The following PTPRD variants were observed in gnomAD, a reference collection of about 807,000 sequenced individuals.
PTPRD encodes protein tyrosine phosphatase receptor type D.
PTPRD carries 34 observed loss-of-function variants against 214.5 expected under a neutral mutation model. The observed-to-expected ratio is 0.16, with a 90% CI of 0.12 to 0.21. The LOEUF is 0.21. Among genes scored for constraint, PTPRD ranks in the 10% least tolerant of loss-of-function variants. PTPRD has a pLI of 1.00. For synonymous variants in PTPRD, 1,128 were observed against 845.7 expected, an observed-to-expected ratio of 1.33 and a Z score of -5.79; for missense variants, 2,545 against 2,398.7, an observed-to-expected ratio of 1.06 and a Z score of -1.27.
At chr9:8,604,230 G>C (rs1349622509) in intron 14 of PTPRD, among the ~76,000 whole-genome samples, 1 of 152,166 alleles carries the variant, frequency 6.6e-6, no homozygotes, top group African/African-American at 2.4e-5. Flanking sequence ...AATGCTTTAA[G>C]GTATAGTCGA....
intron 6 of PTPRD, among the ~76,000 whole-genome samples, chr9:9,756,185 A>C (rs560267409): frequency 1.3e-5 from 2 of 152,224 alleles, no homozygotes; most frequent in East Asian, 3.9e-4. Flanking sequence ...CGAACGACAG[A>C]GATGAACATA....
At chr9:9,222,786 A>AT (rs754733675) in intron 9 of PTPRD, among the ~76,000 whole-genome samples, 3 of 152,050 alleles carry the variant, frequency 2.0e-5, no homozygotes, top group Non-Finnish European at 4.4e-5. Flanking sequence ...AAAGTGACAT[A>AT]TTCCCCATGT....
intron 4 of PTPRD, among the ~76,000 whole-genome samples, chr9:10,019,074 T>C (rs2096788338): frequency 6.6e-6 from 1 of 151,984 alleles, no homozygotes; most frequent in African/African-American, 2.4e-5. Flanking sequence ...CTCAAATAAA[T>C]TTACAAGAAA....
intron 30 of PTPRD, among the ~76,000 whole-genome samples, chr9:8,483,540 C>A (rs552034156): frequency 6.6e-6 from 1 of 152,152 alleles, no homozygotes; most frequent in African/African-American, 2.4e-5. Context: ...ATCACAAGGT[C>A]AGGAGATTGA....
intron 11 of PTPRD, among the ~76,000 whole-genome samples, chr9:8,942,215 G>A (rs1037011614): frequency 6.6e-6 from 1 of 151,138 alleles, no homozygotes; most frequent in Non-Finnish European, 1.5e-5. Flanking sequence ...TCTTTTTTTT[G>A]CCCCCCTGTC....
chr9:10,559,420 A>G (rs2063348598), intron 2 of PTPRD, among the ~76,000 whole-genome samples: 1 of 152,154 alleles, frequency 6.6e-6, no homozygotes. Context: ...CAATGGCCAC[A>G]CAGTTCTATT....
chr9:10,202,357 T>A (rs917028313), intron 3 of PTPRD, among the ~76,000 whole-genome samples: 5 of 151,964 alleles, frequency 3.3e-5, no homozygotes, highest in Admixed American at 6.6e-5. Context: ...CCTGTCATGT[T>A]ATTGAACAGA....
intron 11 of PTPRD, among the ~76,000 whole-genome samples, chr9:8,870,123 AG>A (rs2098270036): frequency 7.4e-6 from 1 of 134,836 alleles, no homozygotes; most frequent in Non-Finnish European, 1.6e-5. Context: ...TCTTTCCATC[AG>A]TTAAAAAAAA....
In PTPRD at chr9:8,500,895, A is replaced by G; in HGVS notation, c.1987T>C (p.Leu663=). The G allele has an allele frequency of 6.2e-7, 1 of 1,614,138 alleles. No individual in the cohort carries two copies. The highest frequency in any genetic ancestry group is 8.5e-7 in the Non-Finnish European group (1 of 1,180,004). Residue 663 remains leucine, a synonymous_variant, in exon 24 of 46, where the codon TTG becomes CTG. Coordinates refer to ENST00000381196, the MANE Select transcript of PTPRD (RefSeq NM_002839.4). ...DGEDDKPHEI[L]GIPSDTTKYL... is the part of the protein sequence containing the mutation. ...TTGGTAGTGTCCGAAGGAATTCCCAAAATCTCGTGAGGCTTGTCATCTTCC... is the reference window on the plus strand; with the variant it reads ...TTGGTAGTGTCCGAAGGAATTCCCAGAATCTCGTGAGGCTTGTCATCTTCC...
chr9:8,517,934 T>C lies in PTPRD; in HGVS notation c.1457A>G (p.Lys486Arg), dbSNP rs2097815493. 1.2e-6 allele frequency: 2 copies of C among 1,614,190 alleles called. No individual in the cohort carries two copies. The highest frequency in any genetic ancestry group is 2.7e-5 in the African/African-American group (2 of 75,060). The change falls in exon 21 of 46, where the codon AAA (lysine) becomes AGA (arginine). Residue 486 changes from lysine (K) to arginine (R), a missense_variant. By Grantham distance (26) the Lys-to-Arg change is conservative (BLOSUM62 2). Coordinates refer to ENST00000381196, the MANE Select transcript of PTPRD (RefSeq NM_002839.4). Reference protein sequence around the residue: ...ITTIGNLVPQKTYSVKVLAFT... With the variant: ...ITTIGNLVPQRTYSVKVLAFT... Reference sequence around the variant, plus strand: ...AGCCAGGACTTTGACAGAATATGTTTTCTGGGGCACTAAGTTGCCAATAGT... The same window carrying C: ...AGCCAGGACTTTGACAGAATATGTTCTCTGGGGCACTAAGTTGCCAATAGT...
intron 9 of PTPRD, among the ~76,000 whole-genome samples, chr9:9,211,079 G>C (rs2099948237): frequency 6.7e-6 from 1 of 148,764 alleles, no homozygotes; most frequent in African/African-American, 2.5e-5. Context: ...ACATGTGTGT[G>C]AGTGTGTGTG....
chr9:8,832,671 T>C (rs528631256), intron 11 of PTPRD, among the ~76,000 whole-genome samples: 1 of 152,168 alleles, frequency 6.6e-6, no homozygotes, highest in South Asian at 2.1e-4. Flanking sequence ...CACTGCAGGA[T>C]CACAAGACTT....
chr9:10,148,129 G>A (rs774160475), intron 3 of PTPRD, among the ~76,000 whole-genome samples: 4 of 152,136 alleles, frequency 2.6e-5, no homozygotes, highest in African/African-American at 7.2e-5. Flanking sequence ...ACATGGCTAT[G>A]AGACAGCTAT....
chr9:9,904,363 G>T (rs1164071036), intron 5 of PTPRD, among the ~76,000 whole-genome samples: 1 of 151,954 alleles, frequency 6.6e-6, no homozygotes, highest in Non-Finnish European at 1.5e-5. Context: ...AAACGCTTGT[G>T]ATTAGAAGAT....
chr9:10,029,022 G>C lies in PTPRD; in HGVS notation c.-472+4696C>G, dbSNP rs563041215. On this transcript the variant is annotated intron_variant, in intron 4 of 45. Coordinates refer to ENST00000381196, the MANE Select transcript of PTPRD (RefSeq NM_002839.4). Reference sequence around the variant, plus strand: ...GGACTTGGTGCCCTGTGTCCCAGCTGCTCCAGTTGTGGCTGAAAGGGGCCA... The same window carrying C: ...GGACTTGGTGCCCTGTGTCCCAGCTCCTCCAGTTGTGGCTGAAAGGGGCCA... Among the ~76,000 whole-genome samples the C allele has an allele frequency of 9.9e-5, 15 of 152,224 alleles. No individual in the cohort carries two copies. In the South Asian group the frequency reaches 2.7e-3, roughly 27 times the overall value.
intron 3 of PTPRD, among the ~76,000 whole-genome samples, chr9:10,208,556 T>G (rs1016115732): frequency 1.3e-5 from 2 of 152,110 alleles, no homozygotes; most frequent in Admixed American, 6.6e-5. Context: ...GAACAGAAAC[T>G]CTGAACACAT....
chr9:9,925,575 G>A (rs1253160920), intron 5 of PTPRD, among the ~76,000 whole-genome samples: 1 of 151,242 alleles, frequency 6.6e-6, no homozygotes, highest in Non-Finnish European at 1.5e-5. Flanking sequence ...AAATATAGTG[G>A]TCTTTTTTCA....
intron 14 of PTPRD, among the ~76,000 whole-genome samples, chr9:8,574,422 T>G (rs1484091053): frequency 6.6e-6 from 1 of 151,968 alleles, no homozygotes; most frequent in Non-Finnish European, 1.5e-5. Context: ...TGGGAGGCCC[T>G]AAAAATTGGT....
At chr9:8,583,939 C>G (rs2093412108) in intron 14 of PTPRD, among the ~76,000 whole-genome samples, 1 of 152,150 alleles carries the variant, frequency 6.6e-6, no homozygotes, top group South Asian at 2.1e-4. Flanking sequence ...ATCACTTGAG[C>G]TTAGGCGTTT....
Sources: allele counts gnomAD v4.1 joint callset (sites outside exome capture counted in the v4.1 genomes callset), GRCh38; gene constraint gnomAD v4.1.1; transcripts MANE v1.5; gene names NCBI Gene and HGNC (gene_info 2026-07-23, HGNC 2026-07-21).